NSD2: variants seen among roughly 807,000 people sequenced by gnomAD.
NSD2 encodes the protein histone-lysine N-methyltransferase NSD2.
Under a neutral mutation model 139.0 loss-of-function variants are expected in NSD2, and 12 were observed. That is an observed-to-expected ratio of 0.09 (90% confidence interval 0.06 to 0.14). The LOEUF (loss-of-function observed/expected upper bound fraction) is 0.14, where lower values mean the gene tolerates loss of function less well. Ranked by LOEUF, NSD2 falls within the 10% of genes least tolerant of loss-of-function variation. NSD2 has a pLI of 1.00. For synonymous variants in NSD2, 669 were observed against 648.7 expected, an observed-to-expected ratio of 1.03 and a Z score of -0.48; for missense variants, 1,155 against 1,745.0, an observed-to-expected ratio of 0.66 and a Z score of 6.02.
rs1229591944 is a variant in NSD2 at position 1,982,042 on chromosome 4, C to T, written c.*3133C>T. 2.5e-6 allele frequency: 1 copy of T among 397,754 alleles called. No homozygotes were observed. The highest frequency in any genetic ancestry group is 4.4e-6 in the Non-Finnish European group (1 of 225,874). The allele number at this position is 397,754 out of a possible 1,614,324, so 24.6% of individuals were successfully genotyped here. ...GCTGTCACCAGGTTTGATAGTTAGACTTAAAAACTTGAAATTCACTTTTTG... is the reference window on the plus strand; with the variant it reads ...GCTGTCACCAGGTTTGATAGTTAGATTTAAAAACTTGAAATTCACTTTTTG... On this transcript the variant is annotated 3_prime_UTR_variant, in exon 22 of 22. Coordinates refer to ENST00000508803, the MANE Select transcript of NSD2 (RefSeq NM_001042424.3).
chr4:1,936,971 A>G (rs542281511), intron 7 of NSD2, among the ~76,000 whole-genome samples: 1 of 152,266 alleles, frequency 6.6e-6, no homozygotes, highest in South Asian at 2.1e-4. Flanking sequence ...AGTGTTCAGC[A>G]GTAAGCTAGG....
At chr4:1,939,522 G>A in intron 8 of NSD2, 132 bp from the exon 9 acceptor site, 1 of 955,468 alleles carries the variant, frequency 1.0e-6, no homozygotes, top group Non-Finnish European at 1.6e-6. Flanking sequence ...ATGATAGAAA[G>A]TTAAGCCAGA....
rs1274342931 is a variant in NSD2 at position 1,918,485 on chromosome 4, A to G, written c.1272A>G (p.Gln424=). The change falls in exon 5 of 22, where the codon CAA becomes CAG. Residue 424 remains glutamine (Q), a synonymous_variant. Transcript: ENST00000508803. The part of the protein sequence containing the change: ...SHPDIGKSTP[Q]KTAEADPRRG... ...CCGACATAGGGAAGAGTACTCCTCAAAAGACGGCAGAGGCTGACCCCAGAA... is the reference window on the plus strand; with the variant it reads ...CCGACATAGGGAAGAGTACTCCTCAGAAGACGGCAGAGGCTGACCCCAGAA... 6.2e-7 allele frequency: 1 copy of G among 1,614,060 alleles called. No individual in the cohort carries two copies. The highest frequency in any genetic ancestry group is 1.7e-5 in the Admixed American group (1 of 60,004).
chr4:1,951,443 T>TACACACACACAC (rs71167763), intron 10 of NSD2, among the ~76,000 whole-genome samples: 7 of 101,030 alleles, frequency 6.9e-5, no homozygotes, highest in Admixed American at 1.8e-4. Flanking sequence ...CATCATGTAA[T>TACACACACACAC]ACACACACAC....
chr4:1,974,776 T>A lies in NSD2; in HGVS notation c.3373-87T>A, dbSNP rs1726895587. The A allele has an allele frequency of 1.3e-6, 2 of 1,580,710 alleles. No individual in the cohort carries two copies. The highest frequency in any genetic ancestry group is 8.7e-7 in the Non-Finnish European group (1 of 1,152,268). On this transcript the variant is annotated intron_variant, in intron 18 of 21. Transcript: ENST00000508803. The surrounding 1 kb of genome is among the most constrained non-coding windows in gnomAD (Gnocchi z 4.0). ...CAGTACAACAAGGAACACAACTTGTTCAATGTGCTTTATGATGGTGAAAAT... is the reference window on the plus strand; with the variant it reads ...CAGTACAACAAGGAACACAACTTGTACAATGTGCTTTATGATGGTGAAAAT...
At chr4:1,901,815 G>A (rs1384124924) in intron 2 of NSD2, among the ~76,000 whole-genome samples, 1 of 152,246 alleles carries the variant, frequency 6.6e-6, no homozygotes, top group Non-Finnish European at 1.5e-5. Flanking sequence ...CTAGGGATGT[G>A]TCTTTTGCCT....
chr4:1,956,876 C>T lies in NSD2; in HGVS notation c.2881+688C>T, dbSNP rs1345818037. 6.6e-6 allele frequency among the ~76,000 whole-genome samples: 1 copy of T among 152,216 alleles called. No homozygotes were observed. Among genetic ancestry groups the T allele is most frequent in the Non-Finnish European group, 1.5e-5 (1 of 68,052 alleles). ...CAGGCGGGGACCCGCGTATTTAAAG[C>T]TTGGTTAGCTCCATGCTGCCAGAAG... On this transcript the variant is annotated intron_variant, in intron 15 of 21. Coordinates refer to ENST00000508803, the MANE Select transcript of NSD2 (RefSeq NM_001042424.3). The surrounding 1 kb of genome is among the most constrained non-coding windows in gnomAD (Gnocchi z 5.3).
At chr4:1,940,488 A>G in intron 9 of NSD2, 4 of 1,064,430 alleles carry the variant, frequency 3.8e-6, no homozygotes, top group Non-Finnish European at 4.6e-6. Flanking sequence ...ACAAATAGCC[A>G]CAGAACGTAG....
At chr4:1,975,491 C>A in intron 20 of NSD2, 91 bp downstream of exon 20, 1 of 1,211,390 alleles carries the variant, frequency 8.3e-7, no homozygotes, top group African/African-American at 1.5e-5. Flanking sequence ...GCGGCTTCCT[C>A]CAGGCTGGCT....
intron 5 of NSD2, among the ~76,000 whole-genome samples, chr4:1,919,443 C>T (rs974802057): frequency 6.6e-6 from 1 of 152,170 alleles, no homozygotes; most frequent in East Asian, 1.9e-4. Context: ...ATAAAATGCA[C>T]AGTCTGTTAG....
chr4:1,883,132 T>A (rs1284824319), intron 1 of NSD2, among the ~76,000 whole-genome samples: 3 of 152,112 alleles, frequency 2.0e-5, no homozygotes, highest in African/African-American at 2.4e-5. Context: ...TAGCCCTAAG[T>A]TTTTGTCTGA....
intron 6 of NSD2, among the ~76,000 whole-genome samples, chr4:1,933,449 G>A (rs1380785447): frequency 6.6e-6 from 1 of 152,226 alleles, no homozygotes; most frequent in Non-Finnish European, 1.5e-5. Context: ...GAGTGCAGTG[G>A]CGCGATCTCG....
intron 18 of NSD2, among the ~76,000 whole-genome samples, chr4:1,966,653 T>C (rs1487213698): frequency 2.8e-5 from 4 of 144,304 alleles, no homozygotes; most frequent in Admixed American, 6.9e-5. Flanking sequence ...CAAGACTCTG[T>C]CTCAAAAAAA....
rs934528153 is a variant in NSD2 at position 1,978,816 on chromosome 4, C to G, written c.4005C>G (p.Ser1335Arg). The G allele has an allele frequency of 3.1e-6, 5 of 1,609,512 alleles. No homozygotes were observed. Among genetic ancestry groups the G allele is most frequent in the Non-Finnish European group, 4.2e-6 (5 of 1,176,660 alleles). Reference protein sequence around the residue: ...EHDLGAASVRSTKTEKPPPEP... With the variant: ...EHDLGAASVRRTKTEKPPPEP... Reference sequence around the variant, plus strand: ...ACTTAGGGGCGGCATCGGTCAGAAGCACCAAGACTGAGAAGCCCCCCCCAG... The same window carrying G: ...ACTTAGGGGCGGCATCGGTCAGAAGGACCAAGACTGAGAAGCCCCCCCCAG... The change falls in exon 22 of 22, where the codon AGC becomes AGG. Residue 1335 changes from serine to arginine, a missense_variant. By Grantham distance (110) the Ser-to-Arg change is moderately radical. This residue lies in a region of NSD2 where 132 missense variants were observed against 94.3 expected (regional missense o/e 1.40). Coordinates refer to ENST00000508803, the MANE Select transcript of NSD2 (RefSeq NM_001042424.3).
Position 1,900,746 on chromosome 4 carries a change from C to G in NSD2, c.92C>G (p.Ala31Gly). 6.2e-7 allele frequency: 1 copy of G among 1,614,108 alleles called. No homozygotes were observed. Among genetic ancestry groups the G allele is most frequent in the Non-Finnish European group, 8.5e-7 (1 of 1,180,032 alleles). ...CAGGCACCAGAAATCCTCGGCAGTG[C>G]CAACGGGAAGACTCCGAGCTGCGAG... is the stretch of plus-strand genomic sequence containing the variant. ...MKQAPEILGS[A>G]NGKTPSCEVN... is the part of the protein sequence containing the mutation. Residue 31 changes from alanine (A) to glycine (G), a missense_variant, in exon 2 of 22, where the codon GCC becomes GGC. Physicochemically the swap from Ala to Gly is moderately conservative, Grantham distance 60 (BLOSUM62 0). Around this residue, in one of 8 missense-constraint regions of NSD2, gnomAD observed 246 missense variants for 262.8 expected, o/e 0.94. Coordinates refer to ENST00000508803, the MANE Select transcript of NSD2 (RefSeq NM_001042424.3).
intron 5 of NSD2, among the ~76,000 whole-genome samples, chr4:1,920,356 A>G (rs1340533472): frequency 6.6e-6 from 1 of 152,092 alleles, no homozygotes; most frequent in African/African-American, 2.4e-5. Flanking sequence ...AGGCTGAGGC[A>G]GGAGAATCAC....
chr4:1,874,998 GT>G (rs1372783100), intron 1 of NSD2, among the ~76,000 whole-genome samples: 2 of 152,190 alleles, frequency 1.3e-5, no homozygotes, highest in Non-Finnish European at 2.9e-5. Context: ...GGTCTCACCT[GT>G]TACCTGGTGT....
At chr4:1,926,262 C>G (rs780891176) in intron 5 of NSD2, among the ~76,000 whole-genome samples, 1 of 150,186 alleles carries the variant, frequency 6.7e-6, no homozygotes. Flanking sequence ...TCAAACGATT[C>G]TCCTGACTCA....
intron 3 of NSD2, among the ~76,000 whole-genome samples, chr4:1,911,516 A>G (rs1340579617): frequency 6.8e-6 from 1 of 146,776 alleles, no homozygotes; most frequent in East Asian, 2.1e-4. Context: ...TGAGCCCAGG[A>G]GACAGAGGTT....
Sources: gnomAD v4.1 joint callset for allele counts (sites outside exome capture counted in the v4.1 genomes callset) on GRCh38, gnomAD v4.1.1 for gene constraint, gnomAD v4.1.1 regional missense constraint, Gnocchi (gnomAD v3.1) non-coding constraint, MANE v1.5 for transcripts, NCBI Gene and HGNC (gene_info 2026-07-23, HGNC 2026-07-21) for gene names.